POU2F1: variants seen among roughly 807,000 people sequenced by gnomAD.
POU2F1 encodes POU domain, class 2, transcription factor 1.
A neutral mutation model predicts 84.9 loss-of-function variants in POU2F1; 16 were observed. That is an observed-to-expected ratio of 0.19 (90% CI 0.13 to 0.29). The LOEUF (loss-of-function observed/expected upper bound fraction) is 0.29. Ranked by LOEUF, POU2F1 falls within the 10% of genes least tolerant of loss-of-function variation. POU2F1 has a pLI of 1.00. For synonymous variants in POU2F1, 368 were observed against 368.3 expected (o/e 1.00, Z 0.01); for missense variants, 738 against 942.6 (o/e 0.78, Z 2.84).
rs567179683 is a variant in POU2F1 at position 167,299,103 on chromosome 1, T to A, written c.62-33367T>A. ...ACTTGAACCTGGGAGGCGGAGGTTA[T>A]GGTGAGCCGATATCGCACCATTGCA... On this transcript the variant is annotated intron_variant, in intron 1 of 15. Coordinates refer to ENST00000367866, the MANE Select transcript of POU2F1 (RefSeq NM_002697.4). 2.1e-5 allele frequency among the ~76,000 whole-genome samples: 3 copies of A among 142,728 alleles called. No homozygotes were observed. The Admixed American group carries it at 2.2e-4, about 11-fold the overall frequency. 93.6% of individuals were successfully genotyped at this position (142,728 alleles called of 152,430 possible).
At chr1:167,316,524 G>A (rs998944903) in intron 1 of POU2F1, among the ~76,000 whole-genome samples, 1 of 152,138 alleles carries the variant, frequency 6.6e-6, no homozygotes, top group East Asian at 1.9e-4. Context: ...TAGACAGATC[G>A]AGGTTAATGT....
intron 1 of POU2F1, among the ~76,000 whole-genome samples, chr1:167,259,982 G>A (rs1412228708): frequency 6.6e-6 from 1 of 151,782 alleles, no homozygotes; most frequent in Non-Finnish European, 1.5e-5. Flanking sequence ...GGGTTCACGC[G>A]ATTCTCCTGC....
intron 1 of POU2F1, among the ~76,000 whole-genome samples, chr1:167,249,246 G>C (rs189933465): frequency 2.6e-5 from 4 of 152,158 alleles, no homozygotes; most frequent in African/African-American, 9.6e-5. Context: ...TCTCCCTTCT[G>C]TTTTCTCTAG....
At chr1:167,257,408 TG>T (rs1273539726) in intron 1 of POU2F1, among the ~76,000 whole-genome samples, 1 of 152,230 alleles carries the variant, frequency 6.6e-6, no homozygotes, top group Non-Finnish European at 1.5e-5. Flanking sequence ...GATGGCATTT[TG>T]GCCTGATGTC....
Position 167,383,930 on chromosome 1 carries a change from A to G in POU2F1, c.792A>G (p.Pro264=). 6.2e-7 allele frequency: 1 copy of G among 1,613,616 alleles called. No homozygotes were observed. Among genetic ancestry groups the G allele is most frequent in the Admixed American group, 1.7e-5 (1 of 59,966 alleles). ...AAGCCAACCTCCTACAGTCGCAGCC[A>G]AGCATCACCCTCACCTCCCAGGTCA... ...QSQANLLQSQ[P]SITLTSQPAT... Residue 264 remains proline (P), a synonymous_variant, in exon 8 of 16, where the codon CCA becomes CCG. Coordinates refer to ENST00000367866, the MANE Select transcript of POU2F1 (RefSeq NM_002697.4).
Position 167,332,507 on chromosome 1 carries a change from A to G in POU2F1, c.99A>G (p.Pro33=). The G allele has an allele frequency of 3.1e-6, 5 of 1,609,730 alleles. No homozygotes were observed. The South Asian group carries it at 3.3e-5, about 11-fold the overall frequency. ...RMNNPSETSK[P]SMESGDGNTG... is the part of the protein sequence containing the mutation. ...ACAATCCGTCAGAAACCAGTAAACC[A>G]TCTATGGAGAGTGGAGATGGCAACA... The change falls in exon 2 of 16, where the codon CCA becomes CCG. Residue 33 remains proline (P), a synonymous_variant. Coordinates refer to ENST00000367866, the MANE Select transcript of POU2F1 (RefSeq NM_002697.4).
intron 7 of POU2F1, among the ~76,000 whole-genome samples, chr1:167,383,062 G>T (rs1158407754): frequency 6.6e-6 from 1 of 152,078 alleles, no homozygotes; most frequent in Non-Finnish European, 1.5e-5. Flanking sequence ...CTTTTGTTTG[G>T]TGTGCTTTGT....
intron 2 of POU2F1, among the ~76,000 whole-genome samples, chr1:167,346,168 C>T (rs1312539156): frequency 6.6e-6 from 1 of 151,810 alleles, no homozygotes; most frequent in African/African-American, 2.4e-5. Flanking sequence ...GAGTGAGACC[C>T]TGGATTTTTT....
chr1:167,268,730 A>G (rs2102460316), intron 1 of POU2F1, among the ~76,000 whole-genome samples: 1 of 152,278 alleles, frequency 6.6e-6, no homozygotes, highest in East Asian at 1.9e-4. Flanking sequence ...TTAAAAACCT[A>G]CAGGGGTAGA....
chr1:167,360,569 A>C (rs973348214), intron 2 of POU2F1, among the ~76,000 whole-genome samples: 1 of 152,216 alleles, frequency 6.6e-6, no homozygotes, highest in East Asian at 1.9e-4. Flanking sequence ...TTTTTGTACC[A>C]GTACCATGCT....
rs1236861225 is a variant in POU2F1 at position 167,225,212 on chromosome 1, CAACT to C, written c.61+4255_61+4258del. ...CTTGAAAATTCATGTGACAGCTGAC[CAACT>C]GTTTTTGATTTCTAAAGGACTGTTC... On this transcript the variant is annotated intron_variant, in intron 1 of 15. Coordinates refer to ENST00000367866, the MANE Select transcript of POU2F1 (RefSeq NM_002697.4). Among the ~76,000 whole-genome samples the C allele has an allele frequency of 4.6e-5, 7 of 152,260 alleles. No individual in the cohort carries two copies. In the South Asian group the frequency reaches 1.4e-3, roughly 32 times the overall value.
At chr1:167,228,144 C>T (rs1159780410) in intron 1 of POU2F1, among the ~76,000 whole-genome samples, 2 of 152,070 alleles carry the variant, frequency 1.3e-5, no homozygotes, top group African/African-American at 4.8e-5. Flanking sequence ...ACAGAGAAGG[C>T]CATTGAAGGG....
rs535608200 is a variant in POU2F1 at position 167,227,435 on chromosome 1, C to T, written c.61+6477C>T. Among the ~76,000 whole-genome samples the T allele has an allele frequency of 7.2e-5, 11 of 152,042 alleles. No homozygotes were observed. In the East Asian group the frequency reaches 1.9e-3, roughly 27 times the overall value. On this transcript the variant is annotated intron_variant, in intron 1 of 15. Transcript: ENST00000367866. ...AATGAACAATATGCTGTGTGTTAAA[C>T]GACTCATTTGTGCTTAAACATATGA...
chr1:167,311,942 T>G (rs1334997205), intron 1 of POU2F1, among the ~76,000 whole-genome samples: 8 of 151,558 alleles, frequency 5.3e-5, no homozygotes, highest in South Asian at 2.1e-4. Context: ...AATTTTTTTT[T>G]TTGTTTGTGT....
chr1:167,249,049 C>T (rs1650537938), intron 1 of POU2F1, among the ~76,000 whole-genome samples: 2 of 152,116 alleles, frequency 1.3e-5, no homozygotes, highest in Non-Finnish European at 2.9e-5. Flanking sequence ...GAGATAAGTA[C>T]CTGGGGTGAG....
In POU2F1 at chr1:167,321,400, A is replaced by G. The variant is rs1028688536; in HGVS notation, c.62-11070A>G. On this transcript the variant is annotated intron_variant, in intron 1 of 15. Coordinates refer to ENST00000367866, the MANE Select transcript of POU2F1 (RefSeq NM_002697.4). ...GAAACAGTCTTTTAAATCTATGACTATTAAAGGTGAATTTTTTGGAATCAT... is the reference window on the plus strand; with the variant it reads ...GAAACAGTCTTTTAAATCTATGACTGTTAAAGGTGAATTTTTTGGAATCAT... Among the ~76,000 whole-genome samples the G allele has an allele frequency of 3.3e-5, 5 of 152,340 alleles. No individual in the cohort carries two copies. In the South Asian group the frequency reaches 6.2e-4, roughly 19 times the overall value.
intron 15 of POU2F1, 107 bp from the exon 16 acceptor site, chr1:167,415,393 C>G: frequency 8.0e-7 from 1 of 1,250,716 alleles, no homozygotes; most frequent in South Asian, 1.5e-5. Context: ...TATACTTTTT[C>G]CTGGTGGGTT....
At position 167,220,902 on chromosome 1, in the gene POU2F1, C is replaced by G. The variant is rs865862543; in HGVS notation, c.5C>G (p.Ala2Gly). 6.5e-7 allele frequency: 1 copy of G among 1,534,776 alleles called. No homozygotes were observed. The highest frequency in any genetic ancestry group is 1.4e-5 in the African/African-American group (1 of 72,932). M[A>G]DGGAASQDES... is the part of the protein sequence containing the mutation. ...ATTTTGGTTAAAATATTCAAAATGG[C>G]GGACGGAGGAGCAGCGAGTCAAGAT... The change falls in exon 1 of 16, where the codon GCG (alanine) becomes GGG (glycine). Residue 2 changes from alanine (A) to glycine (G), a missense_variant. Physicochemically the swap from Ala to Gly is moderately conservative, Grantham distance 60. Around this residue, in one of 4 missense-constraint regions of POU2F1, gnomAD observed 161 missense variants for 147.0 expected, o/e 1.10. Coordinates refer to ENST00000367866, the MANE Select transcript of POU2F1 (RefSeq NM_002697.4).
chr1:167,394,789 T>C (rs1192285552), intron 9 of POU2F1, among the ~76,000 whole-genome samples: 1 of 152,252 alleles, frequency 6.6e-6, no homozygotes, highest in Admixed American at 6.5e-5. Context: ...TGTTAAACTT[T>C]TTATCAGAAG....
Sources: gnomAD v4.1 joint callset for allele counts (sites outside exome capture counted in the v4.1 genomes callset) on GRCh38, gnomAD v4.1.1 for gene constraint, gnomAD v4.1.1 regional missense constraint, MANE v1.5 for transcripts, NCBI Gene and HGNC (gene_info 2026-07-23, HGNC 2026-07-21) for gene names.